The following KCNIP1 variants were observed in gnomAD, a reference collection of about 807,000 sequenced individuals.
The protein encoded by KCNIP1 is A-type potassium channel modulatory protein KCNIP1.
KCNIP1 carries 18 observed loss-of-function variants against 33.0 expected under a neutral mutation model. The ratio of observed to expected loss-of-function variants is 0.55; its 90% CI spans 0.38 to 0.81. The LOEUF is 0.81. KCNIP1 is among the 30% of genes least tolerant of loss of function. The pLI, the probability that KCNIP1 is intolerant of heterozygous loss-of-function variation, is 0.00. For synonymous variants in KCNIP1, 93 were observed against 98.3 expected, an observed-to-expected ratio of 0.95 and a Z score of 0.32; for missense variants, 238 against 271.6, an observed-to-expected ratio of 0.88 and a Z score of 0.87.
intron 1 of KCNIP1, among the ~76,000 whole-genome samples, chr5:170,426,079 T>A (rs1338409653): frequency 1.3e-5 from 2 of 152,172 alleles, no homozygotes; most frequent in Non-Finnish European, 2.9e-5. Context: ...CTCCAGCCCT[T>A]CCAGTGATTT....
chr5:170,478,429 A>C (rs1422367631), intron 1 of KCNIP1, among the ~76,000 whole-genome samples: 1 of 152,204 alleles, frequency 6.6e-6, no homozygotes, highest in African/African-American at 2.4e-5. Flanking sequence ...CAGTCCCATA[A>C]GGACACCTGC....
intron 1 of KCNIP1, among the ~76,000 whole-genome samples, chr5:170,434,748 A>G (rs1755821709): frequency 6.6e-6 from 1 of 152,158 alleles, no homozygotes; most frequent in African/African-American, 2.4e-5. Flanking sequence ...TGAGGTCAGG[A>G]GTTTGAGACC....
intron 1 of KCNIP1, among the ~76,000 whole-genome samples, chr5:170,461,686 C>T (rs1756503689): frequency 6.6e-6 from 1 of 151,476 alleles, no homozygotes. Flanking sequence ...GGAGGCAGAG[C>T]TTGCAGTGAG....
intron 1 of KCNIP1, among the ~76,000 whole-genome samples, chr5:170,705,636 A>G (rs1025262205): frequency 8.5e-5 from 13 of 152,224 alleles, no homozygotes; most frequent in African/African-American, 3.1e-4. Flanking sequence ...GCTGGTGGCC[A>G]TTACCTTTAA....
At chr5:170,466,210 C>T (rs745716974) in intron 1 of KCNIP1, among the ~76,000 whole-genome samples, 1 of 152,104 alleles carries the variant, frequency 6.6e-6, no homozygotes, top group Non-Finnish European at 1.5e-5. Context: ...AAGAGTGACT[C>T]CCAAATCTGG....
intron 1 of KCNIP1, among the ~76,000 whole-genome samples, chr5:170,583,158 G>A (rs1757861703): frequency 6.6e-6 from 1 of 152,142 alleles, no homozygotes; most frequent in South Asian, 2.1e-4. Flanking sequence ...TTCCTGTACT[G>A]TGCTAAGTGC....
chr5:170,552,425 C>T (rs532467044), intron 1 of KCNIP1, among the ~76,000 whole-genome samples: 127 of 152,176 alleles, frequency 8.3e-4, no homozygotes, highest in African/African-American at 3.0e-3. Context: ...TTTGGAGAAA[C>T]GAGAAGGGAT....
intron 1 of KCNIP1, among the ~76,000 whole-genome samples, chr5:170,619,391 C>A (rs572214427): frequency 6.6e-6 from 1 of 152,224 alleles, no homozygotes; most frequent in South Asian, 2.1e-4. Context: ...TGAGTCCTGC[C>A]CCTCCTAAGG....
intron 1 of KCNIP1, among the ~76,000 whole-genome samples, chr5:170,708,679 G>T (rs1048726537): frequency 6.6e-6 from 1 of 152,186 alleles, no homozygotes; most frequent in Non-Finnish European, 1.5e-5. Context: ...CAAGGCAGGA[G>T]GATTGCTTGA....
At chr5:170,720,179 A>G in intron 2 of KCNIP1, 142 bp from the exon 3 acceptor site, 1 of 648,040 alleles carries the variant, frequency 1.5e-6, no homozygotes, top group Non-Finnish European at 2.8e-6. Context: ...CAGTCCTGAG[A>G]TGGCACTACT....
intron 1 of KCNIP1, among the ~76,000 whole-genome samples, chr5:170,526,719 CTTTTTTTTTTTT>C (rs145988547): frequency 8.1e-6 from 1 of 122,812 alleles, no homozygotes; most frequent in Non-Finnish European, 1.7e-5. Flanking sequence ...ATCTGATTAG[CTTTTTTTTTTTT>C]TTTTTTTTTG....
chr5:170,597,796 T>TG (rs1409980430), intron 1 of KCNIP1, among the ~76,000 whole-genome samples: 20 of 1,390 alleles, frequency 0.014, no homozygotes, highest in Non-Finnish European at 0.047. Flanking sequence ...TATATATATA[T>TG]ATATATATAT....
chr5:170,378,709 T>G, intron 1 of KCNIP1: 1 of 1,609,688 alleles, frequency 6.2e-7, no homozygotes, highest in Non-Finnish European at 8.5e-7. Context: ...TGGCTCTACT[T>G]CTGGGCCGCC....
At chr5:170,627,005 G>C (rs1487803057) in intron 1 of KCNIP1, among the ~76,000 whole-genome samples, 1 of 152,198 alleles carries the variant, frequency 6.6e-6, no homozygotes, top group Non-Finnish European at 1.5e-5. Flanking sequence ...AGGGAGATGG[G>C]ACTGTGCCTG....
At chr5:170,702,651 G>C (rs2113839019) in intron 1 of KCNIP1, among the ~76,000 whole-genome samples, 1 of 152,258 alleles carries the variant, frequency 6.6e-6, no homozygotes, top group African/African-American at 2.4e-5. Context: ...CAATTACAAA[G>C]ACACAAGAGT....
chr5:170,450,519 T>C (rs570921843), intron 1 of KCNIP1, among the ~76,000 whole-genome samples: 24 of 152,248 alleles, frequency 1.6e-4, no homozygotes, highest in African/African-American at 5.1e-4. Flanking sequence ...GGCTCCCTAT[T>C]ACTCACCATA....
At chr5:170,473,443 G>GTCAA (rs1756781347) in intron 1 of KCNIP1, among the ~76,000 whole-genome samples, 1 of 152,176 alleles carries the variant, frequency 6.6e-6, no homozygotes, top group African/African-American at 2.4e-5. Context: ...TACAAAGCCA[G>GTCAA]TCAATGGTGG....
rs1764370246 is a variant in KCNIP1, at chr5:170,735,815, A to C, written c.*9A>C. 4.3e-6 allele frequency: 7 copies of C among 1,612,488 alleles called. No homozygotes were observed. Among genetic ancestry groups the C allele is most frequent in the Non-Finnish European group, 5.9e-6 (7 of 1,178,746 alleles). On this transcript the variant is annotated 3_prime_UTR_variant, in exon 8 of 8. Transcript: ENST00000328939. The stretch of plus-strand genomic sequence containing the variant: ...TTCAAAATGTCATGTAACTGGTGAC[A>C]CTCAGCCATTCAGCTCTCAGAGACA...
chr5:170,663,997 G>C (rs1761601794), intron 1 of KCNIP1, among the ~76,000 whole-genome samples: 1 of 151,960 alleles, frequency 6.6e-6, no homozygotes, highest in Non-Finnish European at 1.5e-5. Context: ...TCCAAACAAA[G>C]TCATATTTCC....
Sources: gnomAD v4.1 joint callset for allele counts (sites outside exome capture counted in the v4.1 genomes callset) on GRCh38, gnomAD v4.1.1 for gene constraint, MANE v1.5 for transcripts, NCBI Gene and HGNC (gene_info 2026-07-23, HGNC 2026-07-21) for gene names.